Variants in LINGO2 observed in about 807,000 individuals in gnomAD.
LINGO2 encodes the protein leucine rich repeat and Ig domain containing 2.
Under a neutral mutation model 30.6 loss-of-function variants are expected in LINGO2, and 14 were observed. The observed-to-expected ratio is 0.46, with a 90% CI of 0.30 to 0.72. The LOEUF is 0.72. LINGO2 is among the 30% of genes least tolerant of loss of function. The pLI is 0.07. For synonymous variants in LINGO2, 317 were observed against 288.5 expected (o/e 1.10, Z -1.00); for missense variants, 729 against 751.7 (o/e 0.97, Z 0.35).
chr9:28,308,982 T>C (rs3899782), intron 3 of LINGO2, among the ~76,000 whole-genome samples: 139,357 of 151,352 alleles, frequency 0.92, 64,289 homozygotes, highest in East Asian at 0.97. Flanking sequence ...ACACTGTTGG[T>C]GGGACTGTAA....
downstream of LINGO2, among the ~76,000 whole-genome samples, chr9:27,946,049 T>C (rs566520116): frequency 2.8e-4 from 43 of 152,188 alleles, no homozygotes; most frequent in Non-Finnish European, 5.7e-4. Context: ...GTCACAAGAG[T>C]ATTACTCTAG....
chr9:28,899,141 C>T, the LINGO2 span, among the ~76,000 whole-genome samples: 1 of 152,146 alleles, frequency 6.6e-6, no homozygotes, highest in Non-Finnish European at 1.5e-5. Flanking sequence ...TTAAAAGATG[C>T]ATTGAGGAAA....
intron 1 of LINGO2, among the ~76,000 whole-genome samples, chr9:28,507,650 C>T (rs1820205890): frequency 6.6e-6 from 1 of 151,998 alleles, no homozygotes; most frequent in South Asian, 2.1e-4. Flanking sequence ...ACATACACGC[C>T]TACATATAAA....
chr9:29,140,245 C>T, the LINGO2 span, among the ~76,000 whole-genome samples: 4 of 151,588 alleles, frequency 2.6e-5, no homozygotes, highest in Non-Finnish European at 4.4e-5. Context: ...AAAATGGGCA[C>T]GTATGAATTA....
At chr9:28,311,413 C>T (rs1266263099) in intron 3 of LINGO2, among the ~76,000 whole-genome samples, 1 of 152,128 alleles carries the variant, frequency 6.6e-6, no homozygotes, top group Non-Finnish European at 1.5e-5. Flanking sequence ...CGGGAATTTC[C>T]TCATCCTAAT....
chr9:28,230,765 T>C (rs1227341690), intron 4 of LINGO2, among the ~76,000 whole-genome samples: 1 of 151,952 alleles, frequency 6.6e-6, no homozygotes, highest in Non-Finnish European at 1.5e-5. Flanking sequence ...CATACTCACT[T>C]ATTTCTGTCT....
At chr9:28,065,438 GAT>G (rs34902635) in intron 4 of LINGO2, among the ~76,000 whole-genome samples, 115,843 of 151,668 alleles carry the variant, frequency 0.76, 44,377 homozygotes, top group Middle Eastern at 0.85. Flanking sequence ...TCATATAAAA[GAT>G]CACATATTTA....
chr9:28,075,354 T>C (rs1349001487), intron 4 of LINGO2, among the ~76,000 whole-genome samples: 1 of 152,046 alleles, frequency 6.6e-6, no homozygotes, highest in East Asian at 1.9e-4. Flanking sequence ...ATCCATACTA[T>C]TGTTGATAGA....
At chr9:29,121,853 C>G in the LINGO2 span, among the ~76,000 whole-genome samples, 3 of 152,120 alleles carry the variant, frequency 2.0e-5, no homozygotes, top group Middle Eastern at 3.4e-3. Context: ...TTCGGGATCT[C>G]TGCTAAGCAG....
chr9:28,598,431 A>AC (rs747974940), intron 1 of LINGO2, among the ~76,000 whole-genome samples: 5,499 of 125,558 alleles, frequency 0.044, 320 homozygotes, highest in Admixed American at 0.19. Flanking sequence ...AAAAAAAAAA[A>AC]AAACAAAACA....
At chr9:28,875,847 C>T in the LINGO2 span, among the ~76,000 whole-genome samples, 7 of 152,170 alleles carry the variant, frequency 4.6e-5, no homozygotes, top group East Asian at 1.9e-4. Context: ...TTTTTCTAAT[C>T]GATCTTTATA....
chr9:28,714,290 T>C, the LINGO2 span, among the ~76,000 whole-genome samples: 1 of 151,516 alleles, frequency 6.6e-6, no homozygotes, highest in Non-Finnish European at 1.5e-5. Flanking sequence ...AACACTTCCA[T>C]GCACTTTATA....
chr9:28,174,004 A>T (rs540564524), intron 4 of LINGO2, among the ~76,000 whole-genome samples: 24 of 152,328 alleles, frequency 1.6e-4, no homozygotes, highest in Non-Finnish European at 3.1e-4. Flanking sequence ...TATGTTATAT[A>T]AAGTTGAGGT....
At chr9:28,640,610 G>C (rs1321898154) in intron 1 of LINGO2, among the ~76,000 whole-genome samples, 1 of 149,356 alleles carries the variant, frequency 6.7e-6, no homozygotes, top group East Asian at 2.0e-4. Flanking sequence ...TCTTCCAGTT[G>C]ATCGAATCGG....
the LINGO2 span, among the ~76,000 whole-genome samples, chr9:28,710,159 T>C: frequency 3.3e-5 from 5 of 151,678 alleles, no homozygotes; most frequent in African/African-American, 1.2e-4. Flanking sequence ...TGCTAGACCC[T>C]CATGAGTGAA....
the LINGO2 span, among the ~76,000 whole-genome samples, chr9:29,188,180 T>C: frequency 6.6e-6 from 1 of 151,814 alleles, no homozygotes; most frequent in Non-Finnish European, 1.5e-5. Context: ...CCGCAGTGTT[T>C]GTGTCCCTGG....
the LINGO2 span, among the ~76,000 whole-genome samples, chr9:28,751,980 T>G: frequency 2.6e-5 from 4 of 151,976 alleles, no homozygotes; most frequent in Non-Finnish European, 5.9e-5. Flanking sequence ...CGTCCACACC[T>G]TCAAACATTT....
At chr9:28,185,536 T>C (rs1244275824) in intron 4 of LINGO2, among the ~76,000 whole-genome samples, 2 of 152,106 alleles carry the variant, frequency 1.3e-5, no homozygotes, top group Admixed American at 1.3e-4. Flanking sequence ...CCCACGGTAA[T>C]TCTATTTCAT....
chr9:29,181,254 G>A, the LINGO2 span, among the ~76,000 whole-genome samples: 1 of 152,098 alleles, frequency 6.6e-6, no homozygotes. Flanking sequence ...AGAAGCAAAA[G>A]GTTGACCTTA....
Sources: gnomAD v4.1 joint callset for allele counts (sites outside exome capture counted in the v4.1 genomes callset) on GRCh38, gnomAD v4.1.1 for gene constraint, MANE v1.5 for transcripts, NCBI Gene and HGNC (gene_info 2026-07-23, HGNC 2026-07-21) for gene names.